Variants in WDR49 observed in about 807,000 individuals in gnomAD.
WDR49 encodes the protein WD repeat domain 49.
Under a neutral mutation model 119.5 loss-of-function variants are expected in WDR49, and 107 were observed. That is an observed-to-expected ratio of 0.90 (90% CI 0.77 to 1.05). WDR49 has a LOEUF of 1.05. Among genes scored for constraint, WDR49 ranks in the 50% least tolerant of loss-of-function variants. WDR49 has a pLI of 0.00. For synonymous variants in WDR49, 425 were observed against 418.8 expected (o/e 1.01, Z -0.18); for missense variants, 1,240 against 1,220.5 (o/e 1.02, Z -0.24).
At chr3:167,553,623 A>G (rs1577235737) in intron 10 of WDR49, among the ~76,000 whole-genome samples, 1 of 152,250 alleles carries the variant, frequency 6.6e-6, no homozygotes, top group East Asian at 1.9e-4. Context: ...AAACTTATTC[A>G]TTGCCATTTT....
chr3:167,548,478 T>G (rs1327082339), intron 10 of WDR49, among the ~76,000 whole-genome samples: 4 of 151,982 alleles, frequency 2.6e-5, no homozygotes, highest in Admixed American at 6.6e-5. Flanking sequence ...TTGCTGCAAC[T>G]CTCCTGCAAT....
intron 15 of WDR49, among the ~76,000 whole-genome samples, chr3:167,523,651 G>C (rs534532630): frequency 1.3e-5 from 2 of 152,124 alleles, no homozygotes; most frequent in South Asian, 4.2e-4. Context: ...GTGGTGTTTG[G>C]TTTTCTGTTC....
At chr3:167,636,556 A>G (rs1267079081) in intron 2 of WDR49, among the ~76,000 whole-genome samples, 1 of 151,628 alleles carries the variant, frequency 6.6e-6, no homozygotes, top group Non-Finnish European at 1.5e-5. Context: ...TTAGTTCTTT[A>G]AAGAATCTCC....
chr3:167,551,240 T>G (rs968397296), intron 10 of WDR49, among the ~76,000 whole-genome samples: 1 of 151,978 alleles, frequency 6.6e-6, no homozygotes, highest in Non-Finnish European at 1.5e-5. Flanking sequence ...GTGGATGCCC[T>G]TGAAACAGGA....
chr3:167,627,594 C>A (rs1300083497), intron 2 of WDR49, among the ~76,000 whole-genome samples: 1 of 151,846 alleles, frequency 6.6e-6, no homozygotes, highest in Non-Finnish European at 1.5e-5. Context: ...AGGCTGCGAG[C>A]CAAAGAATTC....
intron 16 of WDR49, among the ~76,000 whole-genome samples, chr3:167,517,847 T>C (rs1752280373): frequency 6.6e-6 from 1 of 151,726 alleles, no homozygotes; most frequent in Non-Finnish European, 1.5e-5. Flanking sequence ...ACTCGTCATC[T>C]AGCATTAGTT....
chr3:167,508,825 C>T (rs1430988033), intron 16 of WDR49, among the ~76,000 whole-genome samples: 1 of 152,156 alleles, frequency 6.6e-6, no homozygotes, highest in African/African-American at 2.4e-5. Flanking sequence ...GTATTTACAT[C>T]ACATAAAGCC....
intron 15 of WDR49, among the ~76,000 whole-genome samples, chr3:167,525,631 T>C (rs1368343862): frequency 6.6e-6 from 1 of 152,078 alleles, no homozygotes; most frequent in Non-Finnish European, 1.5e-5. Flanking sequence ...CACTGAAGAA[T>C]TTCAAGCATC....
chr3:167,491,248 T>A (rs1751121790), intron 18 of WDR49, among the ~76,000 whole-genome samples: 1 of 152,010 alleles, frequency 6.6e-6, no homozygotes, highest in Non-Finnish European at 1.5e-5. Context: ...CAGCAATGAG[T>A]GATATTCATT....
chr3:167,615,285 G>A (rs1248633788), intron 5 of WDR49, among the ~76,000 whole-genome samples: 2 of 151,906 alleles, frequency 1.3e-5, no homozygotes, highest in Admixed American at 6.6e-5. Flanking sequence ...ACAGGCCCAT[G>A]CCACCACACT....
intron 15 of WDR49, among the ~76,000 whole-genome samples, chr3:167,524,692 G>A (rs1752573296): frequency 6.6e-6 from 1 of 152,054 alleles, no homozygotes; most frequent in Non-Finnish European, 1.5e-5. Context: ...TTTATGTAAG[G>A]TTTGTCAAAG....
chr3:167,573,776 A>T (rs77953667), intron 8 of WDR49, among the ~76,000 whole-genome samples: 1 of 152,148 alleles, frequency 6.6e-6, no homozygotes, highest in Non-Finnish European at 1.5e-5. Flanking sequence ...ACAGTGATAC[A>T]TTCAACAAAT....
At chr3:167,543,186 T>A (rs1372371914) in intron 10 of WDR49, among the ~76,000 whole-genome samples, 1 of 151,918 alleles carries the variant, frequency 6.6e-6, no homozygotes. Context: ...ACTGGATGGA[T>A]TCATAGCTGA....
chr3:167,571,503 CA>C (rs1713938854), intron 8 of WDR49, among the ~76,000 whole-genome samples: 2 of 152,022 alleles, frequency 1.3e-5, no homozygotes, highest in Admixed American at 6.6e-5. Flanking sequence ...TATTTATCTA[CA>C]AAAAAGTCAT....
intron 7 of WDR49, among the ~76,000 whole-genome samples, chr3:167,598,186 T>C (rs763274051): frequency 2.0e-5 from 3 of 151,882 alleles, no homozygotes; most frequent in Non-Finnish European, 4.4e-5. Context: ...GTGCCTGTAG[T>C]CTCAGCTACT....
chr3:167,485,655 GA>G (rs1750891524), intron 18 of WDR49, among the ~76,000 whole-genome samples: 1 of 151,998 alleles, frequency 6.6e-6, no homozygotes, highest in Non-Finnish European at 1.5e-5. Context: ...CCAAGCTGAG[GA>G]AAAACCTCAG....
intron 15 of WDR49, among the ~76,000 whole-genome samples, chr3:167,523,234 C>T (rs571466315): frequency 4.0e-5 from 6 of 151,890 alleles, no homozygotes; most frequent in Non-Finnish European, 7.4e-5. Context: ...TGAATTGAAC[C>T]TAATACAAGA....
At chr3:167,649,548 T>G (rs997091405) in intron 2 of WDR49, among the ~76,000 whole-genome samples, 1 of 152,228 alleles carries the variant, frequency 6.6e-6, no homozygotes, top group Non-Finnish European at 1.5e-5. Flanking sequence ...GTATTACCCG[T>G]TAAGCACAAT....
intron 5 of WDR49, among the ~76,000 whole-genome samples, chr3:167,617,004 T>G (rs983300432): frequency 2.0e-5 from 3 of 152,106 alleles, no homozygotes; most frequent in South Asian, 2.1e-4. Flanking sequence ...GGACCCAGAT[T>G]CTAATGTGGG....
Sources: gnomAD v4.1 joint callset for allele counts (sites outside exome capture counted in the v4.1 genomes callset) on GRCh38, gnomAD v4.1.1 for gene constraint, MANE v1.5 for transcripts, NCBI Gene and HGNC (gene_info 2026-07-23, HGNC 2026-07-21) for gene names.